Variants in USH2A observed in about 807,000 individuals in gnomAD.
The protein encoded by USH2A is Usher syndrome 2A (autosomal recessive, mild).
In USH2A, 443 loss-of-function variants were observed where a neutral mutation model predicts 538.9. That is an observed-to-expected ratio of 0.82 (90% CI 0.76 to 0.89). The LOEUF is 0.89. USH2A is among the 40% of genes least tolerant of loss of function. USH2A has a pLI of 0.00. For missense variants in USH2A, 6,633 were observed against 6,324.8 expected (o/e 1.05, Z -1.65); for synonymous variants, 2,413 against 2,273.5 (o/e 1.06, Z -1.75).
chr1:215,984,776 T>C (rs1667833382), intron 35 of USH2A, among the ~76,000 whole-genome samples: 1 of 152,230 alleles, frequency 6.6e-6, no homozygotes, highest in South Asian at 2.1e-4. Flanking sequence ...ATATAGATGC[T>C]CCAAACATAT....
At chr1:215,922,174 G>A (rs1182659097) in intron 38 of USH2A, among the ~76,000 whole-genome samples, 1 of 152,158 alleles carries the variant, frequency 6.6e-6, no homozygotes, top group Non-Finnish European at 1.5e-5. Flanking sequence ...AAAGACTCAG[G>A]TTTTAGTTAC....
chr1:215,925,136 T>C (rs1666205872), intron 38 of USH2A, among the ~76,000 whole-genome samples: 1 of 151,988 alleles, frequency 6.6e-6, no homozygotes, highest in Non-Finnish European at 1.5e-5. Flanking sequence ...TCTTCATACA[T>C]GCACACACAC....
At chr1:215,775,994 T>G (rs1243178434) in intron 55 of USH2A, among the ~76,000 whole-genome samples, 1 of 152,210 alleles carries the variant, frequency 6.6e-6, no homozygotes, top group East Asian at 1.9e-4. Context: ...TTATACGTTA[T>G]GCTAAACAGG....
intron 9 of USH2A, among the ~76,000 whole-genome samples, chr1:216,295,755 A>C (rs947686220): frequency 6.6e-6 from 1 of 152,004 alleles, no homozygotes; most frequent in African/African-American, 2.4e-5. Context: ...ATGTAAAGTA[A>C]TGTCTCTCTG....
In USH2A at chr1:216,281,870, T is replaced by G. The variant is rs900331327; in HGVS notation, c.1971+7410A>C. On this transcript the variant is annotated intron_variant, in intron 11 of 71. Transcript: ENST00000307340. ...ACCAAATTTTGTTTTTGTCTGTTTT[T>G]TTTTTTTTTTTTTTTTTGAGTTGCA... Among the ~76,000 whole-genome samples the G allele has an allele frequency of 6.3e-4, 92 of 145,694 alleles. 2 individuals carry two copies. The highest frequency in any genetic ancestry group is 2.3e-3 in the African/African-American group (91 of 38,846).
rs200690979 is a variant in USH2A at position 216,074,304 on chromosome 1, A to AC, written c.5573-1005_5573-1004insG. ...ATTGGGACAAACAGGACCGAGTTTG[A>AC]GATTGCTGTAGCGTGCATGTTCTCT... On this transcript the variant is annotated intron_variant, in intron 27 of 71. Coordinates refer to ENST00000307340, the MANE Select transcript of USH2A (RefSeq NM_206933.4). Among the ~76,000 whole-genome samples the AC allele has an allele frequency of 0.05, 7,472 of 148,158 alleles. 260 individuals carry two copies. The highest frequency in any genetic ancestry group is 0.075 in the Non-Finnish European group (5,033 of 67,526).
At chr1:215,757,292 T>G (rs1487151789) in intron 58 of USH2A, among the ~76,000 whole-genome samples, 1 of 152,370 alleles carries the variant, frequency 6.6e-6, no homozygotes, top group East Asian at 1.9e-4. Flanking sequence ...AAATAACTTT[T>G]TCTCTTTGAT....
chr1:215,843,233 T>A (rs1226891223), intron 46 of USH2A, among the ~76,000 whole-genome samples: 1 of 152,184 alleles, frequency 6.6e-6, no homozygotes, highest in African/African-American at 2.4e-5. Context: ...CTGTGCTTAA[T>A]ATCTTCTGAA....
At chr1:215,976,473 G>C (rs924721831) in intron 35 of USH2A, among the ~76,000 whole-genome samples, 17 of 152,088 alleles carry the variant, frequency 1.1e-4, no homozygotes, top group African/African-American at 3.9e-4. Flanking sequence ...TTATTATTTT[G>C]AAGTATGTTC....
At chr1:215,743,676 C>T (rs928858758) in intron 58 of USH2A, among the ~76,000 whole-genome samples, 9 of 150,814 alleles carry the variant, frequency 6.0e-5, no homozygotes, top group Non-Finnish European at 8.9e-5. Context: ...AGAAATTAGC[C>T]GGGCATAGTG....
chr1:216,352,246 C>T (rs1450119660), intron 4 of USH2A, among the ~76,000 whole-genome samples: 1 of 151,732 alleles, frequency 6.6e-6, no homozygotes, highest in Non-Finnish European at 1.5e-5. Context: ...GCTTGGGGTA[C>T]CAATACTAAG....
intron 21 of USH2A, chr1:216,174,043 GTAGT>G (rs751661540): frequency 3.2e-4 from 312 of 984,822 alleles, no homozygotes; most frequent in Non-Finnish European, 3.7e-4. Flanking sequence ...TACTGAGAGA[GTAGT>G]TAATCATGCA....
chr1:215,843,121 G>GTCT (rs1663731663), intron 46 of USH2A, among the ~76,000 whole-genome samples: 1 of 152,242 alleles, frequency 6.6e-6, no homozygotes, highest in South Asian at 2.1e-4. Flanking sequence ...ATGATTATAT[G>GTCT]TCTTAACCTC....
At chr1:215,743,047 A>C in intron 59 of USH2A, 130 bp downstream of exon 59, 1 of 1,072,180 alleles carries the variant, frequency 9.3e-7, no homozygotes, top group African/African-American at 1.6e-5. Flanking sequence ...CTGGGTAAAC[A>C]GTCCACTACA....
At chr1:216,174,598 G>T in intron 21 of USH2A, 2 of 979,706 alleles carry the variant, frequency 2.0e-6, no homozygotes, top group Non-Finnish European at 2.4e-6. Context: ...CATTAACACT[G>T]AGTTTTTTAG....
intron 6 of USH2A, among the ~76,000 whole-genome samples, chr1:216,324,959 G>T (rs1217847816): frequency 6.6e-6 from 1 of 152,110 alleles, no homozygotes; most frequent in East Asian, 1.9e-4. Context: ...GTCAATATGA[G>T]ATCATCCTGG....
At chr1:215,773,650 A>G (rs1359751640) in intron 55 of USH2A, among the ~76,000 whole-genome samples, 2 of 152,086 alleles carry the variant, frequency 1.3e-5, no homozygotes, top group African/African-American at 4.8e-5. Flanking sequence ...TTGGCGCAAG[A>G]CAACGAGCCC....
chr1:215,630,511 TATATATATATATATATGAGA>T (rs1656240494), intron 70 of USH2A, among the ~76,000 whole-genome samples: 1 of 129,180 alleles, frequency 7.7e-6, no homozygotes, highest in Admixed American at 7.9e-5. Flanking sequence ...TATATATATA[TATATATATATATATATGAGA>T]GAGAGAAAGT....
intron 20 of USH2A, among the ~76,000 whole-genome samples, chr1:216,185,605 A>G (rs1291938729): frequency 1.3e-5 from 2 of 151,922 alleles, no homozygotes; most frequent in Admixed American, 1.3e-4. Context: ...CCACAAATCC[A>G]TTGGAGTTCA....
Sources: allele counts gnomAD v4.1 joint callset (sites outside exome capture counted in the v4.1 genomes callset), GRCh38; gene constraint gnomAD v4.1.1; transcripts MANE v1.5; gene names NCBI Gene and HGNC (gene_info 2026-07-23, HGNC 2026-07-21).